The following TBL1XR1 variants were observed in gnomAD, a reference collection of about 807,000 sequenced individuals.
The protein encoded by TBL1XR1 is F-box-like/WD repeat-containing protein TBL1XR1.
TBL1XR1 carries 5 observed loss-of-function variants against 66.9 expected under a neutral mutation model. That is an observed-to-expected ratio of 0.07 (90% CI 0.04 to 0.16). The LOEUF is 0.16. TBL1XR1 is among the 10% of genes least tolerant of loss of function. TBL1XR1 has a pLI of 1.00. For missense variants in TBL1XR1, 238 were observed against 623.2 expected, an observed-to-expected ratio of 0.38 and a Z score of 6.58; for synonymous variants, 210 against 206.0, an observed-to-expected ratio of 1.02 and a Z score of -0.17.
At chr3:177,078,514 GTTT>G in intron 2 of TBL1XR1, 2 of 151,350 alleles carry the variant, frequency 1.3e-5, no homozygotes, top group Middle Eastern at 3.4e-3. Flanking sequence ...GGGCCCAGGA[GTTT>G]GAGGCTGTAG....
intron 1 of TBL1XR1, among the ~76,000 whole-genome samples, chr3:177,127,232 T>C (rs746801666): frequency 6.6e-6 from 1 of 152,198 alleles, no homozygotes; most frequent in Non-Finnish European, 1.5e-5. Context: ...AGTTCCCAAG[T>C]CCCTTGAGTC....
chr3:177,172,692 G>T (rs1421598475), intron 1 of TBL1XR1, among the ~76,000 whole-genome samples: 2 of 144,444 alleles, frequency 1.4e-5, no homozygotes, highest in Non-Finnish European at 3.1e-5. Flanking sequence ...GGAGAGGGGA[G>T]GGGAGGAGAG....
At chr3:177,168,482 A>G (rs1254765018) in intron 1 of TBL1XR1, among the ~76,000 whole-genome samples, 2 of 151,998 alleles carry the variant, frequency 1.3e-5, no homozygotes, top group Admixed American at 6.5e-5. Context: ...GGGTTTCACC[A>G]TATTAGCCAG....
At chr3:177,065,078 T>A in intron 2 of TBL1XR1, 56 bp from the exon 3 acceptor site, 1 of 1,132,342 alleles carries the variant, frequency 8.8e-7, no homozygotes, top group Non-Finnish European at 1.2e-6. Context: ...AAACAAGATG[T>A]AAACAATGTT....
intron 5 of TBL1XR1, 50 bp downstream of exon 5, chr3:177,051,454 A>T: frequency 6.6e-7 from 1 of 1,508,206 alleles, no homozygotes; most frequent in Non-Finnish European, 8.9e-7. Context: ...AGTTTAAAAA[A>T]ATAAATAAAT....
At chr3:177,057,080 TGTCTCTCCA>T (rs1032987333) in intron 3 of TBL1XR1, among the ~76,000 whole-genome samples, 7 of 151,982 alleles carry the variant, frequency 4.6e-5, no homozygotes, top group Admixed American at 4.6e-4. Flanking sequence ...CTGGCTCTTC[TGTCTCTCCA>T]GTCTCATCTC....
chr3:177,163,265 G>A (rs569982040), intron 1 of TBL1XR1, among the ~76,000 whole-genome samples: 35 of 152,266 alleles, frequency 2.3e-4, no homozygotes, highest in African/African-American at 7.7e-4. Context: ...CCAGCACTTT[G>A]GGAGGCCAAG....
At chr3:177,138,490 G>T (rs1448005586) in intron 1 of TBL1XR1, among the ~76,000 whole-genome samples, 1 of 152,100 alleles carries the variant, frequency 6.6e-6, no homozygotes, top group African/African-American at 2.4e-5. Context: ...TACTTGGGAG[G>T]CTGAGGTGAG....
rs188090374 is a variant in TBL1XR1 at position 177,025,379 on chromosome 3, G to C, written c.*119C>G. 258 of 996,034 alleles carry C rather than the reference G, an allele frequency of 2.6e-4. 1 individual carries two copies. The African/African-American group carries it at 3.9e-3, about 15-fold the overall frequency. The allele number at this position is 996,034 out of a possible 1,614,324, so 61.7% of individuals were successfully genotyped here. A position where few individuals can be genotyped will look rare whatever the true frequency, so the allele number is the denominator to read the frequency against. Reference sequence around the variant, plus strand: ...ACACTGTATGTATATATTTCTTTTAGATTTGGCTGTAGTGGACTGGCCATG... The same window carrying C: ...ACACTGTATGTATATATTTCTTTTACATTTGGCTGTAGTGGACTGGCCATG... On this transcript the variant is annotated 3_prime_UTR_variant, in exon 16 of 16. Coordinates refer to ENST00000457928, the MANE Select transcript of TBL1XR1 (RefSeq NM_024665.7).
intron 1 of TBL1XR1, among the ~76,000 whole-genome samples, chr3:177,136,664 T>C (rs1394560991): frequency 2.0e-5 from 3 of 152,078 alleles, no homozygotes; most frequent in Non-Finnish European, 4.4e-5. Context: ...TTATCAAAAA[T>C]AGATAAACAG....
chr3:177,196,855 C>A (rs1050539571), intron 1 of TBL1XR1, among the ~76,000 whole-genome samples: 2 of 151,752 alleles, frequency 1.3e-5, no homozygotes, highest in East Asian at 3.9e-4. Context: ...TCCCCCGAGA[C>A]CGGGAAAGGG....
intron 3 of TBL1XR1, among the ~76,000 whole-genome samples, chr3:177,063,605 C>T (rs1288737976): frequency 6.6e-6 from 1 of 152,208 alleles, no homozygotes; most frequent in African/African-American, 2.4e-5. Flanking sequence ...AACTTGTTTA[C>T]AAGTTACATA....
chr3:177,129,351 A>C (rs970220799), intron 1 of TBL1XR1, among the ~76,000 whole-genome samples: 4 of 152,196 alleles, frequency 2.6e-5, no homozygotes, highest in Admixed American at 6.5e-5. Context: ...CAGAAAATAA[A>C]AATTTTAAAG....
upstream of TBL1XR1, among the ~76,000 whole-genome samples, chr3:177,199,114 A>G (rs1737279551): frequency 6.6e-6 from 1 of 152,178 alleles, no homozygotes; most frequent in East Asian, 1.9e-4. Context: ...CTCCCTTCCA[A>G]CCACCAGAGA....
At chr3:177,197,639 C>G (rs1319831114), upstream of TBL1XR1, among the ~76,000 whole-genome samples, 1 of 66,162 alleles carries the variant, frequency 1.5e-5, no homozygotes, top group Admixed American at 1.9e-4. Context: ...GGCGAGCGGG[C>G]GGGCGGGCGC....
intron 1 of TBL1XR1, among the ~76,000 whole-genome samples, chr3:177,134,739 T>G (rs1459792303): frequency 1.3e-5 from 2 of 152,190 alleles, no homozygotes; most frequent in Non-Finnish European, 2.9e-5. Context: ...ACAATACCTC[T>G]TACATACTCT....
intron 3 of TBL1XR1, among the ~76,000 whole-genome samples, chr3:177,062,436 C>G (rs1718636775): frequency 6.6e-6 from 1 of 152,214 alleles, no homozygotes; most frequent in East Asian, 1.9e-4. Flanking sequence ...CAGTGTGACT[C>G]TGATGCAGGT....
chr3:177,145,779 C>A (rs1217314427), intron 1 of TBL1XR1, among the ~76,000 whole-genome samples: 1 of 152,192 alleles, frequency 6.6e-6, no homozygotes, highest in East Asian at 1.9e-4. Flanking sequence ...AGTAGATTAA[C>A]CCTCCCAATT....
intron 2 of TBL1XR1, among the ~76,000 whole-genome samples, chr3:177,093,852 C>T (rs773006588): frequency 3.9e-5 from 6 of 152,162 alleles, no homozygotes; most frequent in Non-Finnish European, 5.9e-5. Context: ...GAATCTAACA[C>T]CTGAAACCAT....
Sources: allele counts gnomAD v4.1 joint callset (sites outside exome capture counted in the v4.1 genomes callset), GRCh38; gene constraint gnomAD v4.1.1; transcripts MANE v1.5; gene names NCBI Gene and HGNC (gene_info 2026-07-23, HGNC 2026-07-21).